WDR75: variants seen among roughly 807,000 people sequenced by gnomAD.
The protein encoded by WDR75 is WD repeat-containing protein 75.
Under a neutral mutation model 106.1 loss-of-function variants are expected in WDR75, and 52 were observed. That is an observed-to-expected ratio of 0.49 (90% confidence interval 0.39 to 0.62). The LOEUF is 0.62. WDR75 is among the 20% of genes least tolerant of loss of function. WDR75 has a pLI of 0.00. For missense variants in WDR75, 905 were observed against 970.3 expected (o/e 0.93, Z 0.89); for synonymous variants, 333 against 335.5 (o/e 0.99, Z 0.08).
chr2:189,458,956 A>G, intron 7 of WDR75, 84 bp downstream of exon 7: 1 of 1,402,498 alleles, frequency 7.1e-7, no homozygotes, highest in South Asian at 1.8e-5. Flanking sequence ...TCTGGGTCCC[A>G]AGAAACAGCC....
At chr2:189,462,161 A>G (rs568272302) in intron 8 of WDR75, among the ~76,000 whole-genome samples, 2 of 151,690 alleles carry the variant, frequency 1.3e-5, no homozygotes, top group Admixed American at 1.3e-4. Flanking sequence ...TATATATAAT[A>G]TTTTTGGTAT....
Position 189,450,343 on chromosome 2 carries a change from T to G in WDR75, c.217-560T>G, listed in dbSNP as rs996849841. 6 of 942,496 alleles carry G rather than the reference T, an allele frequency of 6.4e-6. No individual in the cohort carries two copies. The African/African-American group carries it at 8.0e-5, about 13-fold the overall frequency. The allele number at this position is 942,496 out of a possible 1,614,324, so 58.4% of individuals were successfully genotyped here. On this transcript the variant is annotated intron_variant, in intron 2 of 20. Transcript: ENST00000314761. ...GAGCAACAAGCTCTTGTGTGGGTGT[T>G]TTTGTTTTGTTTTGTTTGGTTTTGG...
intron 2 of WDR75, 71 bp from the exon 3 acceptor site, chr2:189,450,832 T>G: frequency 1.3e-6 from 2 of 1,589,354 alleles, no homozygotes; most frequent in Admixed American, 1.9e-5. Flanking sequence ...TGATCAACAT[T>G]TAATTATTCA....
At chr2:189,450,612 T>C (rs1347724435) in intron 2 of WDR75, 2 of 1,184,186 alleles carry the variant, frequency 1.7e-6, no homozygotes, top group East Asian at 1.2e-4. Context: ...CCACTGCACC[T>C]TGGTGCTTTT....
chr2:189,462,653 A>AT lies in WDR75; in HGVS notation c.937+17dup. The stretch of plus-strand genomic sequence containing the variant: ...CTCACTCTGATAATAGTAAGTCTAA[A>AT]TTTTTTATTATGAGGAAATATATAA... On this transcript the variant is annotated intron_variant, in intron 9 of 20. Transcript: ENST00000314761. 2 of 1,611,688 alleles carry AT rather than the reference A, an allele frequency of 1.2e-6. No individual in the cohort carries two copies. Among genetic ancestry groups the AT allele is most frequent in the South Asian group, 2.2e-5 (2 of 90,922 alleles).
chr2:189,449,540 A>G, intron 2 of WDR75: 1 of 1,085,838 alleles, frequency 9.2e-7, no homozygotes, highest in South Asian at 2.5e-5. Flanking sequence ...TTTATAGCCA[A>G]AAAAACGTAT....
At position 189,466,601 on chromosome 2, in the gene WDR75, T is replaced by G; in HGVS notation, c.1447+19T>G. 1 of 1,594,638 alleles carries G rather than the reference T, an allele frequency of 6.3e-7. No homozygotes were observed. ...ATATACAGTAAGTTATTAAATATGT[T>G]ATGTTTAAAGTGTGCACAATTTTAG... On this transcript the variant is annotated intron_variant, in intron 13 of 20. Transcript: ENST00000314761.
chr2:189,474,254 G>C lies in WDR75; in HGVS notation c.2118G>C (p.Gln706His). ...YFILGKHRQQ[Q>H]DEKLNETLEN... ...TATTGGGAAAACACAGGCAACAGCA[G>C]GATGAAAAACTAAACGAAACTTTAG... Residue 706 changes from glutamine to histidine, a missense_variant, in exon 19 of 21, where the codon CAG becomes CAC. By Grantham distance (24) the Gln-to-His change is conservative. Transcript: ENST00000314761. 6.2e-7 allele frequency: 1 copy of C among 1,613,880 alleles called. No homozygotes were observed. The highest frequency in any genetic ancestry group is 8.5e-7 in the Non-Finnish European group (1 of 1,179,864).
intron 18 of WDR75, 92 bp from the exon 19 acceptor site, chr2:189,474,094 G>T: frequency 7.4e-7 from 1 of 1,350,276 alleles, no homozygotes; most frequent in Non-Finnish European, 1.0e-6. Context: ...TTTCATCCCA[G>T]ACTTTTTATG....
chr2:189,446,337 T>C (rs1686498475), intron 1 of WDR75, among the ~76,000 whole-genome samples: 1 of 152,184 alleles, frequency 6.6e-6, no homozygotes. Context: ...GGACTGTACC[T>C]GGAGACTGTA....
chr2:189,452,158 A>C, intron 4 of WDR75: 1 of 336,754 alleles, frequency 3.0e-6, no homozygotes, highest in Non-Finnish European at 5.4e-6. Context: ...AGGTGGATAG[A>C]ATTTTGTCTT....
At chr2:189,470,941 G>T in intron 18 of WDR75, 63 bp downstream of exon 18, 2 of 1,288,488 alleles carry the variant, frequency 1.6e-6, no homozygotes, top group South Asian at 1.6e-5. Context: ...TTACCTTTTA[G>T]AAGTCAACTA....
intron 2 of WDR75, chr2:189,450,558 G>T: frequency 9.4e-7 from 1 of 1,064,552 alleles, no homozygotes; most frequent in Non-Finnish European, 1.1e-6. Context: ...CTCAAGTGAT[G>T]CACCCACCTG....
intron 4 of WDR75, among the ~76,000 whole-genome samples, chr2:189,452,423 A>T (rs929540163): frequency 6.6e-6 from 1 of 152,008 alleles, no homozygotes; most frequent in African/African-American, 2.4e-5. Flanking sequence ...TTAGCCGGGT[A>T]TGGTGGCAGG....
chr2:189,465,062 T>G lies in WDR75; in HGVS notation c.1114-17T>G, dbSNP rs532290249. ...GTTAATAAACATTTTGGTTTTTTGG[T>G]TTTTTTTACTCATCAGTTAGATATT... On this transcript the variant is annotated splice_polypyrimidine_tract_variant and intron_variant, in intron 11 of 20. Transcript: ENST00000314761. 65 of 1,531,472 alleles carry G rather than the reference T, an allele frequency of 4.2e-5. No individual in the cohort carries two copies. The highest frequency in any genetic ancestry group is 3.2e-4 in the East Asian group (14 of 43,806). 94.9% of individuals were successfully genotyped at this position (1,531,472 alleles called of 1,614,324 possible).
chr2:189,458,914 A>G (rs919226812), intron 7 of WDR75, 42 bp downstream of exon 7: 2 of 1,563,108 alleles, frequency 1.3e-6, no homozygotes, highest in Non-Finnish European at 1.7e-6. Context: ...TTTATGTACT[A>G]TTTTACGTTA....
Position 189,469,540 on chromosome 2 carries a change from G to A in WDR75, c.1819+101G>A, listed in dbSNP as rs141288229. ...CTTGCCTTCACATCAGATGTTAATT[G>A]GAAGCCATTTTGCTTGAGGCACGGC... On this transcript the variant is annotated intron_variant, in intron 16 of 20. Transcript: ENST00000314761. 1.8e-3 allele frequency: 1,714 copies of A among 968,674 alleles called. 1 individual carries two copies. The highest frequency in any genetic ancestry group is 2.4e-3 in the Non-Finnish European group (1,528 of 630,646). 60.0% of individuals were successfully genotyped at this position (968,674 alleles called of 1,614,324 possible). A position where few individuals can be genotyped will look rare whatever the true frequency, so the allele number is the denominator to read the frequency against.
intron 13 of WDR75, 57 bp downstream of exon 13, chr2:189,466,639 T>C: frequency 6.5e-7 from 1 of 1,529,402 alleles, no homozygotes; most frequent in Admixed American, 2.1e-5. Flanking sequence ...ATTAATTTCT[T>C]TTTCTCATGA....
At chr2:189,447,750 A>G (rs1334922985) in intron 1 of WDR75, among the ~76,000 whole-genome samples, 1 of 152,238 alleles carries the variant, frequency 6.6e-6, no homozygotes, top group Non-Finnish European at 1.5e-5. Flanking sequence ...ATGTCCCCAT[A>G]GACAAAAGGC....
Sources: gnomAD v4.1 joint callset for allele counts (sites outside exome capture counted in the v4.1 genomes callset) on GRCh38, gnomAD v4.1.1 for gene constraint, MANE v1.5 for transcripts, NCBI Gene and HGNC (gene_info 2026-07-23, HGNC 2026-07-21) for gene names.